OPCML: variants seen among roughly 807,000 people sequenced by gnomAD.
OPCML encodes opioid binding protein/cell adhesion molecule like.
A neutral mutation model predicts 37.8 loss-of-function variants in OPCML; 13 were observed. The observed-to-expected ratio is 0.34, with a 90% CI of 0.22 to 0.55. The LOEUF (loss-of-function observed/expected upper bound fraction) is 0.55. Ranked by LOEUF, OPCML falls within the 20% of genes least tolerant of loss-of-function variation. OPCML has a pLI of 0.91. For synonymous variants in OPCML, 176 were observed against 168.8 expected, an observed-to-expected ratio of 1.04 and a Z score of -0.33; for missense variants, 341 against 435.6, an observed-to-expected ratio of 0.78 and a Z score of 1.93.
chr11:133,157,373 GGCTGCCTCCT>G (rs1565477857), intron 1 of OPCML, among the ~76,000 whole-genome samples: 2 of 152,164 alleles, frequency 1.3e-5, no homozygotes, highest in Non-Finnish European at 2.9e-5. Flanking sequence ...AGCAGGGCTG[GGCTGCCTCCT>G]GCAGGCTCCC....
chr11:133,306,054 A>T (rs1304475914), intron 1 of OPCML, among the ~76,000 whole-genome samples: 3 of 152,178 alleles, frequency 2.0e-5, no homozygotes, highest in Non-Finnish European at 4.4e-5. Flanking sequence ...TACCATTAGA[A>T]GTACTTTTCT....
chr11:132,701,733 C>T (rs1943825143), intron 2 of OPCML, among the ~76,000 whole-genome samples: 1 of 149,298 alleles, frequency 6.7e-6, no homozygotes, highest in Non-Finnish European at 1.5e-5. Flanking sequence ...TTTCTTCCTC[C>T]CTTGCTGCCT....
rs570431803 is a variant in OPCML, at chr11:133,203,777, G to A, written c.62-260767C>T. The stretch of plus-strand genomic sequence containing the variant: ...AATAATTTAAACAGATGCAAAGGAC[G>A]GCCGGGTGCCGTGGCTTACTCCTGT... On this transcript the variant is annotated intron_variant, in intron 1 of 7. Coordinates refer to ENST00000524381, the MANE Select transcript of OPCML (RefSeq NM_001012393.5). Among the ~76,000 whole-genome samples, 71 of 152,110 alleles carry A rather than the reference G, an allele frequency of 4.7e-4. 1 individual carries two copies. The highest frequency in any genetic ancestry group is 1.2e-3 in the Admixed American group (19 of 15,278).
chr11:132,602,127 C>T (rs373770470), intron 3 of OPCML, among the ~76,000 whole-genome samples: 2 of 152,120 alleles, frequency 1.3e-5, no homozygotes, highest in African/African-American at 4.8e-5. Flanking sequence ...AGACACACAT[C>T]GCAGCAGAGC....
chr11:133,041,437 C>T (rs759250105), intron 1 of OPCML, among the ~76,000 whole-genome samples: 1 of 152,130 alleles, frequency 6.6e-6, no homozygotes, highest in Non-Finnish European at 1.5e-5. Flanking sequence ...TTGCTGCTGC[C>T]ACCTCTCCCA....
intron 1 of OPCML, among the ~76,000 whole-genome samples, chr11:133,198,733 C>G (rs11223387): frequency 0.14 from 21,337 of 152,226 alleles, 1,681 homozygotes; most frequent in Middle Eastern, 0.19. Flanking sequence ...GCCACAGCTA[C>G]TGGGAGCAAC....
chr11:133,009,432 A>T (rs1947174274), intron 1 of OPCML, among the ~76,000 whole-genome samples: 1 of 152,226 alleles, frequency 6.6e-6, no homozygotes, highest in African/African-American at 2.4e-5. Flanking sequence ...AACTGTACTG[A>T]TACAAGATTG....
At chr11:133,440,968 G>A (rs565620290) in intron 1 of OPCML, among the ~76,000 whole-genome samples, 194 of 151,194 alleles carry the variant, frequency 1.3e-3, no homozygotes, top group African/African-American at 4.6e-3. Flanking sequence ...CAAAGAAACA[G>A]GAAATTGTCA....
Position 133,211,328 on chromosome 11 carries a change from T to C in OPCML, c.62-268318A>G, listed in dbSNP as rs1420669268. 1.3e-5 allele frequency among the ~76,000 whole-genome samples: 2 copies of C among 152,200 alleles called. No individual in the cohort carries two copies. The highest frequency in any genetic ancestry group is 4.8e-5 in the African/African-American group (2 of 41,444). On this transcript the variant is annotated intron_variant, in intron 1 of 7. Coordinates refer to ENST00000524381, the MANE Select transcript of OPCML (RefSeq NM_001012393.5). The surrounding 1 kb of genome is among the most constrained non-coding windows in gnomAD (Gnocchi z 4.1). ...CTAAAAATCCACTCTTTAAGCATAA[T>C]AGTCTATTGATTACCTCAGTTATTG... is the stretch of plus-strand genomic sequence containing the variant.
chr11:132,705,941 G>T (rs1416997104), intron 2 of OPCML, among the ~76,000 whole-genome samples: 1 of 152,082 alleles, frequency 6.6e-6, no homozygotes, highest in Non-Finnish European at 1.5e-5. Flanking sequence ...CTGAGTAGCT[G>T]GGATTACAGG....
chr11:132,586,317 C>T (rs1006349599), intron 3 of OPCML, among the ~76,000 whole-genome samples: 3 of 152,162 alleles, frequency 2.0e-5, no homozygotes, highest in Non-Finnish European at 4.4e-5. Flanking sequence ...CCTGTTATAT[C>T]CCCATGTACC....
At chr11:133,394,613 C>T (rs1276806173) in intron 1 of OPCML, among the ~76,000 whole-genome samples, 1 of 152,058 alleles carries the variant, frequency 6.6e-6, no homozygotes, top group African/African-American at 2.4e-5. Flanking sequence ...TCCATTAGTT[C>T]AATTGTTTTA....
intron 1 of OPCML, among the ~76,000 whole-genome samples, chr11:133,484,625 C>T (rs1947489437): frequency 6.6e-6 from 1 of 152,090 alleles, no homozygotes; most frequent in African/African-American, 2.4e-5. Context: ...AAGGCTACAA[C>T]CATGCTGTGA....
At chr11:132,726,544 G>A (rs1209877871) in intron 2 of OPCML, among the ~76,000 whole-genome samples, 1 of 151,924 alleles carries the variant, frequency 6.6e-6, no homozygotes, top group Admixed American at 6.6e-5. Flanking sequence ...TAATAATGAG[G>A]TTACAGTTTT....
intron 3 of OPCML, among the ~76,000 whole-genome samples, chr11:132,561,567 T>C (rs1236640719): frequency 6.6e-6 from 1 of 152,204 alleles, no homozygotes; most frequent in Non-Finnish European, 1.5e-5. Flanking sequence ...AAATGCCTAT[T>C]GTTGGCCAGT....
chr11:132,506,387 T>C (rs2096256839), intron 4 of OPCML, among the ~76,000 whole-genome samples: 1 of 152,306 alleles, frequency 6.6e-6, no homozygotes, highest in African/African-American at 2.4e-5. Flanking sequence ...TTGAAATGTA[T>C]TCCAATGAAC....
chr11:132,610,967 T>G (rs554649798), intron 3 of OPCML, among the ~76,000 whole-genome samples: 2 of 152,336 alleles, frequency 1.3e-5, no homozygotes, highest in South Asian at 4.1e-4. Context: ...AGCAATGGCT[T>G]CTCTCTCTTC....
At chr11:133,043,556 G>A (rs1187754978) in intron 1 of OPCML, among the ~76,000 whole-genome samples, 2 of 152,190 alleles carry the variant, frequency 1.3e-5, no homozygotes, top group Non-Finnish European at 2.9e-5. Flanking sequence ...TATTGCTTTA[G>A]GAGGGCCTGT....
intron 3 of OPCML, among the ~76,000 whole-genome samples, chr11:132,619,600 G>A (rs928805817): frequency 6.6e-6 from 1 of 151,726 alleles, no homozygotes; most frequent in Admixed American, 6.6e-5. Context: ...AGCACTTTGG[G>A]AGGCCGAGGC....
Sources: gnomAD v4.1 joint callset for allele counts (sites outside exome capture counted in the v4.1 genomes callset) on GRCh38, gnomAD v4.1.1 for gene constraint, Gnocchi (gnomAD v3.1) non-coding constraint, MANE v1.5 for transcripts, NCBI Gene and HGNC (gene_info 2026-07-23, HGNC 2026-07-21) for gene names.